Variants in POU2AF2 observed in about 807,000 individuals in gnomAD.
The protein encoded by POU2AF2 is POU class 2 homeobox associating factor 2.
At chr11:111,278,395 G>A in the POU2AF2 span, among the ~76,000 whole-genome samples, 66 of 152,322 alleles carry the variant, frequency 4.3e-4, no homozygotes, top group African/African-American at 1.4e-3. Context: ...GCAATTGCAC[G>A]TTTGCATTCC....
chr11:111,276,452 AAAT>A, the POU2AF2 span, among the ~76,000 whole-genome samples: 8 of 35,622 alleles, frequency 2.2e-4, no homozygotes, highest in African/African-American at 6.7e-4. Flanking sequence ...AAAAAAAAAA[AAAT>A]ATATATATAT....
At chr11:111,278,933 G>A in the POU2AF2 span, among the ~76,000 whole-genome samples, 4 of 152,202 alleles carry the variant, frequency 2.6e-5, no homozygotes, top group Non-Finnish European at 4.4e-5. Flanking sequence ...GATGCACCTG[G>A]TGTTAGTAAT....
the POU2AF2 span, among the ~76,000 whole-genome samples, chr11:111,253,669 C>T: frequency 6.6e-6 from 1 of 152,212 alleles, no homozygotes; most frequent in African/African-American, 2.4e-5. Context: ...CCAGAAAAGT[C>T]TATATAAAAT....
the POU2AF2 span, among the ~76,000 whole-genome samples, chr11:111,250,570 G>A: frequency 1.0e-3 from 154 of 152,284 alleles, no homozygotes; most frequent in African/African-American, 3.1e-3. Flanking sequence ...CCCCCACTTC[G>A]TGGAGCTTAC....
chr11:111,284,151 A>T, the POU2AF2 span: 2 of 1,614,038 alleles, frequency 1.2e-6, no homozygotes, highest in Non-Finnish European at 1.7e-6. Context: ...AACAGTAAAC[A>T]GTTTTCAAAT....
the POU2AF2 span, among the ~76,000 whole-genome samples, chr11:111,246,463 G>A: frequency 8.5e-5 from 13 of 152,116 alleles, no homozygotes; most frequent in Non-Finnish European, 1.5e-4. Context: ...CCACCTGTTC[G>A]CGAACAAATT....
chr11:111,277,130 T>C, the POU2AF2 span, among the ~76,000 whole-genome samples: 1 of 152,210 alleles, frequency 6.6e-6, no homozygotes. Context: ...TATCTGTCAA[T>C]TGCAGGTTTA....
At chr11:111,278,527 G>A in the POU2AF2 span, among the ~76,000 whole-genome samples, 1 of 151,488 alleles carries the variant, frequency 6.6e-6, no homozygotes, top group Non-Finnish European at 1.5e-5. Flanking sequence ...CTTATAAGAA[G>A]AGACACCAGA....
chr11:111,255,007 A>G, the POU2AF2 span, among the ~76,000 whole-genome samples: 2 of 152,222 alleles, frequency 1.3e-5, no homozygotes, highest in Non-Finnish European at 2.9e-5. Flanking sequence ...TGCTTTCTAG[A>G]ATAGGCCAAA....
the POU2AF2 span, among the ~76,000 whole-genome samples, chr11:111,252,935 G>C: frequency 2.6e-5 from 4 of 151,952 alleles, no homozygotes; most frequent in African/African-American, 9.7e-5. Context: ...CAGCCACCCC[G>C]CACTTCTGAG....
chr11:111,249,169 A>T, the POU2AF2 span, among the ~76,000 whole-genome samples: 1 of 152,344 alleles, frequency 6.6e-6, no homozygotes, highest in East Asian at 1.9e-4. Flanking sequence ...GCAAGTTTGT[A>T]TCTAGAGTAT....
the POU2AF2 span, among the ~76,000 whole-genome samples, chr11:111,250,717 G>A: frequency 6.6e-6 from 1 of 152,214 alleles, no homozygotes; most frequent in Non-Finnish European, 1.5e-5. Context: ...ATTTTCTGGG[G>A]AGGATGCAAC....
chr11:111,267,064 C>T, the POU2AF2 span, among the ~76,000 whole-genome samples: 1 of 152,180 alleles, frequency 6.6e-6, no homozygotes, highest in Non-Finnish European at 1.5e-5. Flanking sequence ...CCACAGTGTG[C>T]CTGTAGACTG....
chr11:111,267,442 G>A, the POU2AF2 span, among the ~76,000 whole-genome samples: 1 of 151,970 alleles, frequency 6.6e-6, no homozygotes, highest in South Asian at 2.1e-4. Context: ...AGACCTCTGG[G>A]GCCTACTCAC....
chr11:111,286,015 T>C, the POU2AF2 span: 2 of 1,613,622 alleles, frequency 1.2e-6, no homozygotes, highest in Non-Finnish European at 8.5e-7. Context: ...AAGATGGGAG[T>C]ATTGCCTGGG....
the POU2AF2 span, among the ~76,000 whole-genome samples, chr11:111,273,813 T>C: frequency 6.6e-6 from 1 of 152,302 alleles, no homozygotes; most frequent in Non-Finnish European, 1.5e-5. Flanking sequence ...TGGAGGGGCT[T>C]TGGGGGCAGC....
chr11:111,248,841 A>T, the POU2AF2 span, among the ~76,000 whole-genome samples: 2 of 152,250 alleles, frequency 1.3e-5, no homozygotes, highest in Non-Finnish European at 2.9e-5. Flanking sequence ...AAAACAGTTT[A>T]AAAATCACCT....
At chr11:111,284,412 A>C in the POU2AF2 span, 1 of 1,544,514 alleles carries the variant, frequency 6.5e-7, no homozygotes, top group Non-Finnish European at 8.7e-7. Context: ...AGGGAGTAAA[A>C]GAGGGGCGAG....
At chr11:111,267,096 C>T in the POU2AF2 span, among the ~76,000 whole-genome samples, 1 of 152,210 alleles carries the variant, frequency 6.6e-6, no homozygotes, top group African/African-American at 2.4e-5. Flanking sequence ...ATGCCACACC[C>T]AGCCCAAACC....
Sources: gnomAD v4.1 joint callset for allele counts (sites outside exome capture counted in the v4.1 genomes callset) on GRCh38, gnomAD v4.1.1 for gene constraint, MANE v1.5 for transcripts, NCBI Gene and HGNC (gene_info 2026-07-23, HGNC 2026-07-21) for gene names.